Variants in TNFSF10 observed in about 807,000 individuals in gnomAD.
TNFSF10 encodes tumor necrosis factor ligand superfamily member 10.
In TNFSF10, 13 loss-of-function variants were observed where a neutral mutation model predicts 29.5. The observed-to-expected ratio is 0.44, with a 90% CI of 0.29 to 0.70. The LOEUF (loss-of-function observed/expected upper bound fraction) is 0.70, where lower values mean the gene tolerates loss of function less well. Ranked by LOEUF, TNFSF10 falls within the 30% of genes least tolerant of loss-of-function variation. TNFSF10 has a pLI of 0.13. For synonymous variants in TNFSF10, 111 were observed against 112.8 expected, an observed-to-expected ratio of 0.98 and a Z score of 0.10; for missense variants, 345 against 330.9, an observed-to-expected ratio of 1.04 and a Z score of -0.33.
chr3:172,522,003 A>T (rs1187121388), intron 1 of TNFSF10, among the ~76,000 whole-genome samples: 1 of 150,720 alleles, frequency 6.6e-6, no homozygotes, highest in Non-Finnish European at 1.5e-5. Context: ...GTGAGAGCAC[A>T]TGGACACAGG....
chr3:172,523,375 T>C lies in TNFSF10; in HGVS notation c.10A>G (p.Met4Val). 6.2e-7 allele frequency: 1 copy of C among 1,613,678 alleles called. No individual in the cohort carries two copies. MAM[M>V]EVQGGPSLGQ... ...AGGCTGGGTCCCCCCTGGACCTCCA[T>C]CATAGCCATGATCCTGTCAGAGTCT... Residue 4 changes from methionine to valine, a missense_variant, in exon 1 of 5, where the codon ATG (methionine) becomes GTG (valine). Transcript: ENST00000241261.
rs149054521 is a variant in TNFSF10 at position 172,516,124 on chromosome 3, C to T, written c.133-1126G>A. Among the ~76,000 whole-genome samples the T allele has an allele frequency of 2.7e-3, 413 of 152,050 alleles. 1 individual carries two copies. The highest frequency in any genetic ancestry group is 9.5e-3 in the African/African-American group (394 of 41,490). On this transcript the variant is annotated intron_variant, in intron 1 of 4. Transcript: ENST00000241261. ...AAAAAAATACAAAAAATTAGCTGGG[C>T]GTGGTGGCGGGCGCCTGTAGTCCCA... is the stretch of plus-strand genomic sequence containing the variant.
intron 2 of TNFSF10, among the ~76,000 whole-genome samples, chr3:172,513,043 A>C (rs1415157998): frequency 5.3e-5 from 8 of 152,236 alleles, no homozygotes; most frequent in Non-Finnish European, 1.2e-4. Flanking sequence ...AATGTGCCTG[A>C]AAAGAAAAAG....
chr3:172,514,746 T>C, intron 2 of TNFSF10, 115 bp downstream of exon 2: 11 of 1,389,814 alleles, frequency 7.9e-6, no homozygotes, highest in Non-Finnish European at 1.1e-5. Context: ...GGCCTAAGTT[T>C]TCTTATTTGT....
At chr3:172,512,947 T>C (rs1168446725) in intron 2 of TNFSF10, among the ~76,000 whole-genome samples, 1 of 152,232 alleles carries the variant, frequency 6.6e-6, no homozygotes, top group Non-Finnish European at 1.5e-5. Flanking sequence ...ATAATAACGA[T>C]TTATTATTCA....
chr3:172,508,665 G>A (rs774069714), intron 4 of TNFSF10, among the ~76,000 whole-genome samples: 7 of 152,096 alleles, frequency 4.6e-5, no homozygotes, highest in Non-Finnish European at 7.4e-5. Flanking sequence ...CGAGGTGGGC[G>A]GATCACCTGA....
chr3:172,508,549 T>A (rs1383162813), intron 4 of TNFSF10, among the ~76,000 whole-genome samples: 1 of 152,110 alleles, frequency 6.6e-6, no homozygotes, highest in Non-Finnish European at 1.5e-5. Context: ...AAGGGAGATT[T>A]GATGGCGAGC....
Position 172,523,234 on chromosome 3 carries a change from T to G in TNFSF10, c.132+19A>C. 6.3e-7 allele frequency: 1 copy of G among 1,577,328 alleles called. No homozygotes were observed. The highest frequency in any genetic ancestry group is 8.7e-7 in the Non-Finnish European group (1 of 1,153,606). ...TTTGCTAAGCGCCTCGAAGACTGAG[T>G]GCACTGCACTGCACTGACCTGCTTC... On this transcript the variant is annotated intron_variant, in intron 1 of 4. Coordinates refer to ENST00000241261, the MANE Select transcript of TNFSF10 (RefSeq NM_003810.4).
chr3:172,511,682 C>T (rs913427946), intron 2 of TNFSF10, 23 bp from the exon 3 acceptor site: 14 of 1,603,436 alleles, frequency 8.7e-6, no homozygotes, highest in Non-Finnish European at 1.1e-5. Flanking sequence ...TTGAATAAAG[C>T]TTGTTAATTT....
At chr3:172,520,857 A>T (rs1209582729) in intron 1 of TNFSF10, among the ~76,000 whole-genome samples, 1 of 152,212 alleles carries the variant, frequency 6.6e-6, no homozygotes, top group Non-Finnish European at 1.5e-5. Flanking sequence ...AAACAGATAC[A>T]TAGACCAATG....
intron 4 of TNFSF10, chr3:172,507,599 T>C (rs939765934): frequency 3.3e-5 from 5 of 152,214 alleles, no homozygotes; most frequent in South Asian, 2.1e-4. Context: ...ATCTCCACGA[T>C]TGGTGCAAAA....
rs540055659 is a variant in TNFSF10, at chr3:172,518,538, A to G, written c.133-3540T>C. 43 of 1,156,852 alleles carry G rather than the reference A, an allele frequency of 3.7e-5. No homozygotes were observed. In the East Asian group the frequency reaches 1.8e-3, roughly 47 times the overall value. 71.7% of individuals were successfully genotyped at this position (1,156,852 alleles called of 1,614,324 possible). A position where few individuals can be genotyped will look rare whatever the true frequency, so the allele number is the denominator to read the frequency against. ...CCCTTCTCCTTTTTCCTCCCCATCT[A>G]TGATGTCACAGTGACAGGCCATTCC... On this transcript the variant is annotated intron_variant, in intron 1 of 4. Transcript: ENST00000241261.
intron 1 of TNFSF10, chr3:172,517,810 G>T (rs192558196): frequency 5.1e-6 from 5 of 982,478 alleles, no homozygotes; most frequent in South Asian, 9.4e-5. Context: ...AGGAAAAAAA[G>T]TACCCATAAT....
At chr3:172,507,922 G>T (rs1300726250) in intron 4 of TNFSF10, among the ~76,000 whole-genome samples, 2 of 152,204 alleles carry the variant, frequency 1.3e-5, no homozygotes, top group Admixed American at 6.5e-5. Flanking sequence ...ATCATTTTGT[G>T]GGTTAAGATT....
At chr3:172,508,983 A>G (rs541679659) in intron 4 of TNFSF10, among the ~76,000 whole-genome samples, 3 of 152,288 alleles carry the variant, frequency 2.0e-5, no homozygotes, top group Non-Finnish European at 4.4e-5. Flanking sequence ...GAAAACTGCA[A>G]AGACAAAATT....
In TNFSF10 at chr3:172,507,060, C is replaced by A. The variant is rs1015556380; in HGVS notation, c.419-141G>T. 1.1e-4 allele frequency: 81 copies of A among 713,556 alleles called. No individual in the cohort carries two copies. The East Asian group carries it at 2.2e-3, about 20-fold the overall frequency. The allele number at this position is 713,556 out of a possible 1,614,324, so 44.2% of individuals were successfully genotyped here. ...TCTAATATCAAACTTCTTCCTCCTT[C>A]AATCTTAATGTGGATTATAAATTCT... On this transcript the variant is annotated intron_variant, in intron 4 of 4. Coordinates refer to ENST00000241261, the MANE Select transcript of TNFSF10 (RefSeq NM_003810.4).
chr3:172,507,943 T>G (rs748322902), intron 4 of TNFSF10, among the ~76,000 whole-genome samples: 11 of 152,244 alleles, frequency 7.2e-5, no homozygotes, highest in Non-Finnish European at 1.5e-4. Flanking sequence ...TGTCTCATCT[T>G]TGCATATGAA....
intron 4 of TNFSF10, among the ~76,000 whole-genome samples, chr3:172,507,839 T>C (rs1348643818): frequency 1.3e-5 from 2 of 152,190 alleles, no homozygotes; most frequent in East Asian, 1.9e-4. Context: ...TTAGACAAAT[T>C]TACGGGATAA....
At chr3:172,519,462 C>T (rs953031848) in intron 1 of TNFSF10, among the ~76,000 whole-genome samples, 1 of 152,194 alleles carries the variant, frequency 6.6e-6, no homozygotes, top group African/African-American at 2.4e-5. Context: ...AACAGCTTTA[C>T]TCTGTTTATG....
Sources: gnomAD v4.1 joint callset for allele counts (sites outside exome capture counted in the v4.1 genomes callset) on GRCh38, gnomAD v4.1.1 for gene constraint, MANE v1.5 for transcripts, NCBI Gene and HGNC (gene_info 2026-07-23, HGNC 2026-07-21) for gene names.